The following UGCG variants were observed in gnomAD, a reference collection of about 807,000 sequenced individuals.
The protein encoded by UGCG is ceramide glucosyltransferase.
In UGCG, 10 loss-of-function variants were observed where a neutral mutation model predicts 49.5. The observed-to-expected ratio is 0.20, with a 90% CI of 0.12 to 0.34. The LOEUF (loss-of-function observed/expected upper bound fraction) is 0.34. Ranked by LOEUF, UGCG falls within the 10% of genes least tolerant of loss-of-function variation. The probability of loss-of-function intolerance (pLI) is 1.00; values close to 1 mark genes in which losing one functional copy is unlikely to be tolerated. For missense variants in UGCG, 312 were observed against 483.7 expected, an observed-to-expected ratio of 0.65 and a Z score of 3.33; for synonymous variants, 182 against 158.2, an observed-to-expected ratio of 1.15 and a Z score of -1.13.
chr9:111,918,437 TA>T (rs1404108493), intron 2 of UGCG, among the ~76,000 whole-genome samples: 1 of 152,230 alleles, frequency 6.6e-6, no homozygotes, highest in African/African-American at 2.4e-5. Flanking sequence ...GATTCCTGGT[TA>T]AAATCTGATA....
chr9:111,897,182 C>T lies in UGCG; in HGVS notation c.-34C>T, dbSNP rs1354106350. 1.3e-5 allele frequency: 20 copies of T among 1,530,390 alleles called. No individual in the cohort carries two copies. Among genetic ancestry groups the T allele is most frequent in the African/African-American group, 5.5e-5 (4 of 72,322 alleles). 94.8% of individuals were successfully genotyped at this position (1,530,390 alleles called of 1,614,324 possible). ...CGGGAGCGTTGTCCGTGTTGGCGGC[C>T]GCAGCGGGCCGGGCCGGTCCGGCGG... On this transcript the variant is annotated 5_prime_UTR_variant, in exon 1 of 9. Transcript: ENST00000374279.
intron 5 of UGCG, among the ~76,000 whole-genome samples, chr9:111,926,861 C>CTTTTTTTTTTTTTTTTT (rs56298523): frequency 1.8e-5 from 1 of 56,848 alleles, no homozygotes; most frequent in Admixed American, 2.6e-4. Flanking sequence ...TCCCCCCAGC[C>CTTTTTTTTTTTTTTTTT]TTTTTTTTTT....
chr9:111,932,034 A>C (rs945271447), intron 7 of UGCG, 136 bp from the exon 8 acceptor site: 11 of 987,118 alleles, frequency 1.1e-5, no homozygotes, highest in South Asian at 3.5e-5. Context: ...AAAAAAAAAA[A>C]AACAAAACAA....
At chr9:111,929,438 TC>T (rs1838381925) in intron 5 of UGCG, 61 bp from the exon 6 acceptor site, 3 of 1,531,898 alleles carry the variant, frequency 2.0e-6, no homozygotes, top group Middle Eastern at 3.6e-4. Context: ...GAAAAACAGT[TC>T]GTGAACACCA....
Position 111,899,014 on chromosome 9 carries a change from G to GT in UGCG, c.98+1707dup, listed in dbSNP as rs1290683650. On this transcript the variant is annotated intron_variant, in intron 1 of 8. Transcript: ENST00000374279. ...AACTGTCCTGTAAAATGTCTTGACC[G>GT]TTTTTTGCATGTCAATATCTGTATG... Among the ~76,000 whole-genome samples the GT allele has an allele frequency of 2.0e-5, 3 of 152,272 alleles. No homozygotes were observed. In the East Asian group the frequency reaches 5.8e-4, roughly 29 times the overall value.
At chr9:111,898,032 G>A (rs1564195773) in intron 1 of UGCG, among the ~76,000 whole-genome samples, 1 of 148,024 alleles carries the variant, frequency 6.8e-6, no homozygotes, top group Non-Finnish European at 1.5e-5. Flanking sequence ...CAGGGGACAT[G>A]GTGGTGAGCA....
At chr9:111,897,883 G>A (rs2131709752) in intron 1 of UGCG, among the ~76,000 whole-genome samples, 1 of 151,382 alleles carries the variant, frequency 6.6e-6, no homozygotes, top group East Asian at 1.9e-4. Context: ...ACATCTCAGC[G>A]TGGTTTTCTT....
chr9:111,912,889 G>A (rs1209464752), intron 1 of UGCG, among the ~76,000 whole-genome samples: 1 of 118,134 alleles, frequency 8.5e-6, no homozygotes, highest in Non-Finnish European at 1.7e-5. Flanking sequence ...TGTAAACCTG[G>A]TGTGTGTGTG....
At chr9:111,926,290 A>G in intron 4 of UGCG, 94 bp from the exon 5 acceptor site, 1 of 702,450 alleles carries the variant, frequency 1.4e-6, no homozygotes, top group Non-Finnish European at 2.3e-6. Context: ...TAAGAATGTA[A>G]TAACAATTCA....
In UGCG at chr9:111,933,765, G is replaced by C. The variant is rs1158820638; in HGVS notation, c.*768G>C. On this transcript the variant is annotated 3_prime_UTR_variant, in exon 9 of 9. Coordinates refer to ENST00000374279, the MANE Select transcript of UGCG (RefSeq NM_003358.3). ...CTTGTTGGTTCTGTCTTGAACCATT[G>C]TTAATCACTGTGCTGTAATTAGTAT... The C allele has an allele frequency of 6.6e-6, 1 of 152,110 alleles. No homozygotes were observed. Among genetic ancestry groups the C allele is most frequent in the East Asian group, 1.9e-4 (1 of 5,188 alleles). The allele number at this position is 152,110 out of a possible 1,614,324, so 9.4% of individuals were successfully genotyped here.
chr9:111,913,788 G>A (rs1838062802), intron 1 of UGCG, among the ~76,000 whole-genome samples: 1 of 152,008 alleles, frequency 6.6e-6, no homozygotes, highest in African/African-American at 2.4e-5. Flanking sequence ...CAGCATCCTT[G>A]CAATGGACAA....
Position 111,932,899 on chromosome 9 carries a change from A to T in UGCG, c.1087A>T (p.Ile363Phe). ...CATCCGCGAATCCATGACAATATACATTTTTTTGTCTGCATTATGGGACCC... is the reference window on the plus strand; with the variant it reads ...CATCCGCGAATCCATGACAATATACTTTTTTTTGTCTGCATTATGGGACCC... ...WFIRESMTIY[I>F]FLSALWDPTI... The change falls in exon 9 of 9, where the codon ATT becomes TTT. Residue 363 changes from isoleucine (I) to phenylalanine (F), a missense_variant. Ile to Phe is a conservative substitution (Grantham distance 21). This residue lies in a region of UGCG where 180 missense variants were observed against 320.4 expected (regional missense o/e 0.56). Coordinates refer to ENST00000374279, the MANE Select transcript of UGCG (RefSeq NM_003358.3). The T allele has an allele frequency of 6.2e-7, 1 of 1,612,490 alleles. No homozygotes were observed. Among genetic ancestry groups the T allele is most frequent in the Non-Finnish European group, 8.5e-7 (1 of 1,179,218 alleles).
intron 1 of UGCG, among the ~76,000 whole-genome samples, chr9:111,912,145 A>G (rs1838022724): frequency 6.7e-6 from 1 of 150,124 alleles, no homozygotes; most frequent in Admixed American, 6.7e-5. Flanking sequence ...CTAGTCTGCT[A>G]TTTTGTTAGA....
At chr9:111,917,323 C>T (rs928782184) in intron 2 of UGCG, among the ~76,000 whole-genome samples, 2 of 152,132 alleles carry the variant, frequency 1.3e-5, no homozygotes, top group African/African-American at 4.8e-5. Flanking sequence ...TTGGTGAAAA[C>T]CAAATACAAT....
intron 4 of UGCG, among the ~76,000 whole-genome samples, chr9:111,925,651 T>C (rs1838302238): frequency 6.6e-6 from 1 of 152,244 alleles, no homozygotes; most frequent in African/African-American, 2.4e-5. Context: ...AAATACAACT[T>C]TTCTTTATAC....
chr9:111,911,919 T>G (rs1838006390), intron 1 of UGCG, among the ~76,000 whole-genome samples: 1 of 16,554 alleles, frequency 6.0e-5, no homozygotes, highest in Non-Finnish European at 1.0e-4. Context: ...TATATATATA[T>G]ATATATATAT....
In UGCG at chr9:111,924,768, C is replaced by T; in HGVS notation, c.344-9C>T. 4 of 1,479,384 alleles carry T rather than the reference C, an allele frequency of 2.7e-6. No homozygotes were observed. The highest frequency in any genetic ancestry group is 3.6e-6 in the Non-Finnish European group (4 of 1,104,528). The allele number at this position is 1,479,384 out of a possible 1,614,324, so 91.6% of individuals were successfully genotyped here. A position where few individuals can be genotyped will look rare whatever the true frequency, so the allele number is the denominator to read the frequency against. On this transcript the variant is annotated splice_polypyrimidine_tract_variant and intron_variant, in intron 3 of 8. Transcript: ENST00000374279. Reference sequence around the variant, plus strand: ...TAAATCTTTTACTACTGTACCTTTACATTTTTAGGTGGCAAAAAAGTTGGC... The same window carrying T: ...TAAATCTTTTACTACTGTACCTTTATATTTTTAGGTGGCAAAAAAGTTGGC...
At chr9:111,920,085 C>T (rs1838193332) in intron 2 of UGCG, among the ~76,000 whole-genome samples, 1 of 152,014 alleles carries the variant, frequency 6.6e-6, no homozygotes, top group African/African-American at 2.4e-5. Context: ...TTTCCATTTT[C>T]AGATTTTTAT....
chr9:111,932,492 A>G (rs746722273), intron 8 of UGCG, 133 bp downstream of exon 8: 26 of 971,574 alleles, frequency 2.7e-5, no homozygotes, highest in Non-Finnish European at 3.4e-5. Flanking sequence ...GGGTTTGAAC[A>G]TGACTTTCTC....
Sources: gnomAD v4.1 joint callset for allele counts (sites outside exome capture counted in the v4.1 genomes callset) on GRCh38, gnomAD v4.1.1 for gene constraint, gnomAD v4.1.1 regional missense constraint, MANE v1.5 for transcripts, NCBI Gene and HGNC (gene_info 2026-07-23, HGNC 2026-07-21) for gene names.